NRXN1: variants seen among roughly 807,000 people sequenced by gnomAD.
NRXN1 encodes the protein neurexin 1.
NRXN1 carries 39 observed loss-of-function variants against 150.9 expected under a neutral mutation model. The ratio of observed to expected loss-of-function variants is 0.26; its 90% CI spans 0.20 to 0.34. The LOEUF (loss-of-function observed/expected upper bound fraction) is 0.34, where lower values mean the gene tolerates loss of function less well. Among genes scored for constraint, NRXN1 ranks in the 10% least tolerant of loss-of-function variants. The pLI is 1.00. For synonymous variants in NRXN1, 924 were observed against 757.0 expected (o/e 1.22, Z -3.62); for missense variants, 1,815 against 1,949.9 (o/e 0.93, Z 1.30).
chr2:50,727,096 T>TA (rs919003493), intron 5 of NRXN1, among the ~76,000 whole-genome samples: 15 of 143,972 alleles, frequency 1.0e-4, no homozygotes, highest in Admixed American at 6.2e-4. Context: ...GGAACCTTTA[T>TA]AAAAAAAGGT....
intron 18 of NRXN1, among the ~76,000 whole-genome samples, chr2:50,176,272 A>C (rs2060350142): frequency 1.3e-5 from 2 of 152,166 alleles, no homozygotes; most frequent in Admixed American, 1.3e-4. Flanking sequence ...TTGGTCTAGA[A>C]AGTTAAAAAA....
chr2:49,927,997 C>G (rs1669415410), intron 22 of NRXN1, among the ~76,000 whole-genome samples: 1 of 151,834 alleles, frequency 6.6e-6, no homozygotes, highest in Non-Finnish European at 1.5e-5. Flanking sequence ...ATGAACCTGG[C>G]ACACCAAGGA....
At chr2:50,679,392 C>G (rs1478246793) in intron 5 of NRXN1, among the ~76,000 whole-genome samples, 2 of 152,250 alleles carry the variant, frequency 1.3e-5, no homozygotes, top group East Asian at 3.9e-4. Flanking sequence ...TGTTGTCTGT[C>G]TTTAGCAAGG....
chr2:50,490,059 T>A (rs1004601390), intron 15 of NRXN1, among the ~76,000 whole-genome samples: 4 of 152,348 alleles, frequency 2.6e-5, no homozygotes, highest in Non-Finnish European at 4.4e-5. Flanking sequence ...TCTCTGTCTG[T>A]CTTTCAAGTA....
chr2:50,184,779 G>A (rs2060956852), intron 18 of NRXN1, among the ~76,000 whole-genome samples: 1 of 151,918 alleles, frequency 6.6e-6, no homozygotes, highest in South Asian at 2.1e-4. Flanking sequence ...GATAATTGTA[G>A]AAATATTTTA....
intron 5 of NRXN1, among the ~76,000 whole-genome samples, chr2:50,672,496 T>C (rs1688999818): frequency 6.6e-6 from 1 of 152,002 alleles, no homozygotes; most frequent in African/African-American, 2.4e-5. Context: ...TGTGGTTAAA[T>C]CCCTAGGGAA....
At chr2:49,960,156 G>GT (rs1675681409) in intron 21 of NRXN1, among the ~76,000 whole-genome samples, 1 of 152,138 alleles carries the variant, frequency 6.6e-6, no homozygotes, top group Admixed American at 6.5e-5. Flanking sequence ...CATGGCAATG[G>GT]TTTGCAAGAA....
intron 18 of NRXN1, among the ~76,000 whole-genome samples, chr2:50,222,293 T>C (rs1559120840): frequency 6.6e-6 from 1 of 152,006 alleles, no homozygotes; most frequent in Non-Finnish European, 1.5e-5. Context: ...GGGGGGTTGG[T>C]TTCACCGCTA....
chr2:50,850,997 C>A (rs1348387044), intron 5 of NRXN1, among the ~76,000 whole-genome samples: 3 of 152,102 alleles, frequency 2.0e-5, no homozygotes, highest in Admixed American at 6.5e-5. Flanking sequence ...TTTTAATAGC[C>A]ATCACTTTTA....
chr2:50,483,050 C>CAAAA (rs70948712), intron 15 of NRXN1, among the ~76,000 whole-genome samples: 14 of 75,398 alleles, frequency 1.9e-4, no homozygotes, highest in South Asian at 6.3e-4. Flanking sequence ...GACTCCGTGT[C>CAAAA]AAAAAAAAAA....
intron 17 of NRXN1, among the ~76,000 whole-genome samples, chr2:50,261,928 TC>T (rs2068331124): frequency 6.6e-6 from 1 of 151,896 alleles, no homozygotes; most frequent in Non-Finnish European, 1.5e-5. Flanking sequence ...ACAATAATCC[TC>T]ATTTTCTTCT....
chr2:50,326,008 T>C (rs986381650), intron 17 of NRXN1, among the ~76,000 whole-genome samples: 3 of 152,204 alleles, frequency 2.0e-5, no homozygotes, highest in African/African-American at 7.2e-5. Flanking sequence ...TATGATCTGT[T>C]GTTTGAATAT....
At chr2:50,568,168 A>G (rs1387197106) in intron 8 of NRXN1, among the ~76,000 whole-genome samples, 1 of 152,122 alleles carries the variant, frequency 6.6e-6, no homozygotes, top group Non-Finnish European at 1.5e-5. Context: ...GTGTCACTAG[A>G]CCTCAAATTG....
At chr2:50,989,052 G>A (rs1698150338) in intron 2 of NRXN1, among the ~76,000 whole-genome samples, 1 of 151,746 alleles carries the variant, frequency 6.6e-6, no homozygotes, top group Non-Finnish European at 1.5e-5. Flanking sequence ...TGCGTCCTGA[G>A]AGATATTTTT....
At chr2:50,343,337 C>T (rs2077690849) in intron 17 of NRXN1, among the ~76,000 whole-genome samples, 1 of 152,222 alleles carries the variant, frequency 6.6e-6, no homozygotes, top group African/African-American at 2.4e-5. Context: ...TGGCACATCA[C>T]ATAAGCAGTA....
At chr2:50,162,807 A>G (rs573478025) in intron 18 of NRXN1, among the ~76,000 whole-genome samples, 5 of 152,222 alleles carry the variant, frequency 3.3e-5, no homozygotes, top group South Asian at 4.1e-4. Context: ...ACTTTACAGC[A>G]TTATTACAAA....
chr2:50,927,425 C>CA (rs970122978), intron 2 of NRXN1, among the ~76,000 whole-genome samples: 6 of 151,550 alleles, frequency 4.0e-5, no homozygotes, highest in African/African-American at 7.2e-5. Flanking sequence ...AAAGAAACAA[C>CA]AAAAAAAACT....
intron 17 of NRXN1, among the ~76,000 whole-genome samples, chr2:50,374,341 A>AT (rs2080329974): frequency 6.6e-6 from 1 of 151,222 alleles, no homozygotes; most frequent in East Asian, 1.9e-4. Flanking sequence ...AAATAAATAA[A>AT]ATTGGGTGAT....
chr2:50,326,658 A>G (rs909889857), intron 17 of NRXN1, among the ~76,000 whole-genome samples: 2 of 152,280 alleles, frequency 1.3e-5, no homozygotes, highest in Admixed American at 6.5e-5. Context: ...AGTTGTTTCT[A>G]TCCATTAACT....
Sources: allele counts gnomAD v4.1 joint callset (sites outside exome capture counted in the v4.1 genomes callset), GRCh38; gene constraint gnomAD v4.1.1; transcripts MANE v1.5; gene names NCBI Gene and HGNC (gene_info 2026-07-23, HGNC 2026-07-21).